Variants in VPS8 observed in about 807,000 individuals in gnomAD.
The protein encoded by VPS8 is vacuolar protein sorting-associated protein 8 homolog.
VPS8 carries 129 observed loss-of-function variants against 216.4 expected under a neutral mutation model. That is an observed-to-expected ratio of 0.60 (90% CI 0.52 to 0.69). The LOEUF (loss-of-function observed/expected upper bound fraction) is 0.69. Among genes scored for constraint, VPS8 ranks in the 30% least tolerant of loss-of-function variants. The pLI is 0.00. For missense variants in VPS8, 1,531 were observed against 1,683.5 expected, an observed-to-expected ratio of 0.91 and a Z score of 1.59; for synonymous variants, 571 against 565.4, an observed-to-expected ratio of 1.01 and a Z score of -0.14.
chr3:184,833,406 TTTC>T (rs769336529), intron 4 of VPS8, among the ~76,000 whole-genome samples: 19 of 152,326 alleles, frequency 1.2e-4, no homozygotes, highest in African/African-American at 2.4e-4. Flanking sequence ...GTGATCTGTT[TTTC>T]TTCTTCTTCG....
At chr3:184,845,927 C>T (rs888858992) in intron 8 of VPS8, among the ~76,000 whole-genome samples, 1 of 151,826 alleles carries the variant, frequency 6.6e-6, no homozygotes, top group Non-Finnish European at 1.5e-5. Context: ...TTGTGATGAG[C>T]ACTTAGTAAT....
At chr3:184,885,166 G>T (rs1433315423) in intron 21 of VPS8, among the ~76,000 whole-genome samples, 3 of 152,148 alleles carry the variant, frequency 2.0e-5, no homozygotes, top group Non-Finnish European at 4.4e-5. Context: ...AATAATAAGA[G>T]TTCCTTAGTT....
At chr3:185,005,641 A>G (rs1754142227) in intron 45 of VPS8, among the ~76,000 whole-genome samples, 1 of 151,144 alleles carries the variant, frequency 6.6e-6, no homozygotes, top group Non-Finnish European at 1.5e-5. Flanking sequence ...TTATTTATTT[A>G]TTTATTTATT....
At chr3:184,853,799 A>G (rs913530685) in intron 11 of VPS8, 58 bp from the exon 12 acceptor site, 4 of 1,537,196 alleles carry the variant, frequency 2.6e-6, no homozygotes, top group South Asian at 1.2e-5. Flanking sequence ...CCAGGTAGAG[A>G]TAGTAGTGCC....
At chr3:184,915,207 T>C (rs1315329502) in intron 27 of VPS8, 148 bp from the exon 28 acceptor site, 1 of 1,332,254 alleles carries the variant, frequency 7.5e-7, no homozygotes, top group African/African-American at 1.5e-5. Context: ...TAATTAGAGC[T>C]GAGAAAGAAT....
At chr3:184,969,168 A>C (rs1036023711) in intron 39 of VPS8, among the ~76,000 whole-genome samples, 2 of 152,076 alleles carry the variant, frequency 1.3e-5, no homozygotes, top group Non-Finnish European at 2.9e-5. Flanking sequence ...CCCAGGCTGG[A>C]GTGCAGTGGC....
chr3:185,049,326 G>A (rs771554041), intron 47 of VPS8, among the ~76,000 whole-genome samples: 27 of 152,016 alleles, frequency 1.8e-4, no homozygotes, highest in Non-Finnish European at 3.7e-4. Flanking sequence ...TCGCTTTCTC[G>A]ACCTGTTCTT....
At chr3:184,907,962 T>G (rs1365798206) in intron 25 of VPS8, among the ~76,000 whole-genome samples, 1 of 152,158 alleles carries the variant, frequency 6.6e-6, no homozygotes, top group Non-Finnish European at 1.5e-5. Flanking sequence ...TATGCATACA[T>G]CCTTTTAGCA....
intron 14 of VPS8, 69 bp from the exon 15 acceptor site, chr3:184,859,916 A>G (rs1725954176): frequency 2.6e-6 from 3 of 1,151,412 alleles, no homozygotes; most frequent in Non-Finnish European, 3.8e-6. Context: ...TAGGTGGAGT[A>G]TAATTAAATA....
At chr3:184,817,055 C>CAT (rs1261767429) in intron 1 of VPS8, among the ~76,000 whole-genome samples, 2 of 152,118 alleles carry the variant, frequency 1.3e-5, no homozygotes, top group Non-Finnish European at 2.9e-5. Context: ...GAACATAAAA[C>CAT]ATCTGAGATT....
At chr3:185,023,715 C>T (rs1561166762) in intron 45 of VPS8, among the ~76,000 whole-genome samples, 1 of 152,060 alleles carries the variant, frequency 6.6e-6, no homozygotes, top group Non-Finnish European at 1.5e-5. Flanking sequence ...ATATTGTCGC[C>T]ATCCTTTTCC....
intron 1 of VPS8, among the ~76,000 whole-genome samples, chr3:184,822,488 G>A (rs1434497793): frequency 6.6e-6 from 1 of 152,130 alleles, no homozygotes; most frequent in Admixed American, 6.5e-5. Context: ...TCCTTTCTGA[G>A]TTATTTTGGA....
At chr3:184,972,041 A>G (rs938646985) in intron 40 of VPS8, among the ~76,000 whole-genome samples, 4 of 149,810 alleles carry the variant, frequency 2.7e-5, no homozygotes, top group Admixed American at 1.3e-4. Context: ...GCACCATTGC[A>G]CTCCAGCCCT....
intron 23 of VPS8, among the ~76,000 whole-genome samples, chr3:184,897,313 A>T (rs1194348913): frequency 6.6e-6 from 1 of 152,122 alleles, no homozygotes; most frequent in East Asian, 1.9e-4. Context: ...TTGCTGGTGA[A>T]TTGGGATATG....
At chr3:184,927,951 G>T (rs1475165882) in intron 31 of VPS8, among the ~76,000 whole-genome samples, 1 of 152,108 alleles carries the variant, frequency 6.6e-6, no homozygotes, top group Non-Finnish European at 1.5e-5. Context: ...ACTACATTTT[G>T]TTTATTCATT....
intron 46 of VPS8, among the ~76,000 whole-genome samples, chr3:185,038,421 G>A (rs571228408): frequency 1.3e-5 from 2 of 152,316 alleles, no homozygotes; most frequent in East Asian, 3.9e-4. Flanking sequence ...GTTTCTGGGA[G>A]CTAGTTTTGA....
chr3:184,989,868 C>G (rs1056669867), intron 42 of VPS8, among the ~76,000 whole-genome samples: 1 of 151,848 alleles, frequency 6.6e-6, no homozygotes, highest in African/African-American at 2.4e-5. Flanking sequence ...GTCAGGAGAT[C>G]GAGACCATCC....
chr3:185,017,827 G>T (rs937913641), intron 45 of VPS8, among the ~76,000 whole-genome samples: 3 of 151,964 alleles, frequency 2.0e-5, no homozygotes, highest in Non-Finnish European at 2.9e-5. Context: ...TTGGAATGGG[G>T]CCCAGGACGG....
intron 46 of VPS8, among the ~76,000 whole-genome samples, chr3:185,046,901 C>T (rs1458582195): frequency 2.0e-5 from 3 of 152,136 alleles, no homozygotes; most frequent in Non-Finnish European, 4.4e-5. Flanking sequence ...AGTAAGAAAT[C>T]AGAAATCTGC....
Sources: allele counts gnomAD v4.1 joint callset (sites outside exome capture counted in the v4.1 genomes callset), GRCh38; gene constraint gnomAD v4.1.1; transcripts MANE v1.5; gene names NCBI Gene and HGNC (gene_info 2026-07-23, HGNC 2026-07-21).